Variants in HERC4 observed in about 807,000 individuals in gnomAD.
HERC4 encodes probable E3 ubiquitin-protein ligase HERC4.
HERC4 carries 28 observed loss-of-function variants against 124.3 expected under a neutral mutation model. That is an observed-to-expected ratio of 0.23 (90% CI 0.17 to 0.31). The LOEUF is 0.31. Ranked by LOEUF, HERC4 falls within the 10% of genes least tolerant of loss-of-function variation. The probability of loss-of-function intolerance (pLI) is 1.00; values close to 1 mark genes in which losing one functional copy is unlikely to be tolerated. For synonymous variants in HERC4, 407 were observed against 421.5 expected (o/e 0.97, Z 0.42); for missense variants, 713 against 1,229.3 (o/e 0.58, Z 6.28).
At position 67,997,396 on chromosome 10, in the gene HERC4, G is replaced by T. The variant is rs145609152; in HGVS notation, c.1070-4714C>A. 2.6e-3 allele frequency among the ~76,000 whole-genome samples: 393 copies of T among 152,230 alleles called. 2 individuals are homozygous for T. The highest frequency in any genetic ancestry group is 9.0e-3 in the African/African-American group (375 of 41,538). On this transcript the variant is annotated intron_variant, in intron 9 of 24. Transcript: ENST00000373700. ...GCTCCTGACTTACAAAAGAGCTAAAGTTCTTTTCAATCATATCATCATCTG... is the reference window on the plus strand; with the variant it reads ...GCTCCTGACTTACAAAAGAGCTAAATTTCTTTTCAATCATATCATCATCTG...
intron 9 of HERC4, among the ~76,000 whole-genome samples, chr10:67,999,726 A>T (rs2037113629): frequency 6.6e-6 from 1 of 152,192 alleles, no homozygotes; most frequent in Non-Finnish European, 1.5e-5. Context: ...ATGTTTGAGT[A>T]ATGTTTAATT....
chr10:67,977,692 C>T (rs2035678649), intron 15 of HERC4, among the ~76,000 whole-genome samples: 1 of 152,128 alleles, frequency 6.6e-6, no homozygotes, highest in South Asian at 2.1e-4. Flanking sequence ...GACTAAAGAG[C>T]CCTTAAGGAC....
At chr10:67,951,786 T>G (rs1407766048) in intron 19 of HERC4, among the ~76,000 whole-genome samples, 2 of 152,194 alleles carry the variant, frequency 1.3e-5, no homozygotes, top group East Asian at 3.8e-4. Flanking sequence ...CCATATTCCC[T>G]GCAACTGTTC....
intron 24 of HERC4, among the ~76,000 whole-genome samples, chr10:67,923,526 T>A (rs188700929): frequency 2.6e-5 from 4 of 152,314 alleles, no homozygotes; most frequent in South Asian, 4.1e-4. Flanking sequence ...TTATTTTTTT[T>A]AAATCAGAAA....
At position 67,932,709 on chromosome 10, in the gene HERC4, T is replaced by A; in HGVS notation, c.2726A>T (p.His909Leu). 2.5e-6 allele frequency: 4 copies of A among 1,601,014 alleles called. No homozygotes were observed. The highest frequency in any genetic ancestry group is 3.4e-6 in the Non-Finnish European group (4 of 1,177,224). ...TCCACAGACCTTATGAAAGCCCGCA[T>A]GAAAAGCATCAAATAAGGAAGCCAC... ...KSVASLFDAF[H>L]AGFHKVCGGK... Residue 909 changes from histidine to leucine, a missense_variant, in exon 23 of 25, where the codon CAT becomes CTT. His to Leu is a moderately conservative substitution (Grantham distance 99, BLOSUM62 -3). Coordinates refer to ENST00000373700, the MANE Select transcript of HERC4 (RefSeq NM_015601.4).
intron 9 of HERC4, among the ~76,000 whole-genome samples, chr10:67,996,928 T>C (rs1414400382): frequency 6.6e-6 from 1 of 151,684 alleles, no homozygotes; most frequent in Non-Finnish European, 1.5e-5. Flanking sequence ...GCAGAGCTTG[T>C]AGTGAGCTGA....
At chr10:67,988,451 T>C (rs1285279981) in intron 15 of HERC4, among the ~76,000 whole-genome samples, 1 of 152,092 alleles carries the variant, frequency 6.6e-6, no homozygotes, top group Non-Finnish European at 1.5e-5. Context: ...ATAAGTTATC[T>C]ATACATGCCT....
chr10:67,968,539 A>AT (rs888352019), intron 15 of HERC4, among the ~76,000 whole-genome samples: 4 of 150,162 alleles, frequency 2.7e-5, no homozygotes, highest in South Asian at 4.2e-4. Context: ...CCTCTGGCTA[A>AT]TTTTTTTTTG....
chr10:67,973,913 G>A (rs2035405153), intron 15 of HERC4, among the ~76,000 whole-genome samples: 1 of 151,760 alleles, frequency 6.6e-6, no homozygotes, highest in African/African-American at 2.4e-5. Flanking sequence ...TGGGTGCGGT[G>A]GCACGTGCCT....
intron 3 of HERC4, among the ~76,000 whole-genome samples, chr10:68,059,823 C>CATAATATATATTATA (rs1378325242): frequency 4.2e-5 from 2 of 47,094 alleles, no homozygotes; most frequent in African/African-American, 2.3e-4. Context: ...TATTATATAT[C>CATAATATATATTATA]ATAATATTAT....
At position 68,014,215 on chromosome 10, in the gene HERC4, C is replaced by G. The variant is rs377113107; in HGVS notation, c.909-29G>C. 6.0e-6 allele frequency: 9 copies of G among 1,507,920 alleles called. No individual in the cohort carries two copies. The South Asian group carries it at 1.2e-4, about 20-fold the overall frequency. 93.4% of individuals were successfully genotyped at this position (1,507,920 alleles called of 1,614,324 possible). On this transcript the variant is annotated intron_variant, in intron 8 of 24. Coordinates refer to ENST00000373700, the MANE Select transcript of HERC4 (RefSeq NM_015601.4). The stretch of plus-strand genomic sequence containing the variant: ...GAGTAAAATGATAGAAAACTTCAGA[C>G]TTAATGTTACCTTCCAACAATTTAC...
At chr10:68,012,789 T>C (rs951398391) in intron 9 of HERC4, among the ~76,000 whole-genome samples, 1 of 152,162 alleles carries the variant, frequency 6.6e-6, no homozygotes, top group African/African-American at 2.4e-5. Flanking sequence ...TCAAAAAACC[T>C]TCAATTTGTA....
At chr10:68,073,917 C>T (rs1227788789) in intron 1 of HERC4, 1 of 151,976 alleles carries the variant, frequency 6.6e-6, no homozygotes, top group Non-Finnish European at 1.5e-5. Flanking sequence ...AAAAAACATG[C>T]AATTTAAATA....
In HERC4 at chr10:67,972,529, GAAAAAAAAAA is replaced by G. The variant is rs58031306; in HGVS notation, c.1807-5737_1807-5728del. On this transcript the variant is annotated intron_variant, in intron 15 of 24. Transcript: ENST00000373700. ...AGTCAAACTCTGTCTCAAAAAAGAGGAAAAAAAAAAAAAAAAAAAAAAAAAAGAATTTCTC... is the reference window on the plus strand; with the variant it reads ...AGTCAAACTCTGTCTCAAAAAAGAGGAAAAAAAAAAAAAAAAGAATTTCTC... 1.4e-3 allele frequency among the ~76,000 whole-genome samples: 79 copies of G among 58,404 alleles called. 1 individual carries two copies. The South Asian group carries it at 0.029, about 21-fold the overall frequency. The allele number at this position is 58,404 out of a possible 152,430, so 38.3% of individuals were successfully genotyped here. A position where few individuals can be genotyped will look rare whatever the true frequency, so the allele number is the denominator to read the frequency against.
chr10:68,039,487 A>C, intron 4 of HERC4: 4 of 1,550,872 alleles, frequency 2.6e-6, no homozygotes, highest in Non-Finnish European at 3.5e-6. Flanking sequence ...TTCGGGAAGC[A>C]GCTTCAGCAA....
intron 7 of HERC4, among the ~76,000 whole-genome samples, chr10:68,028,007 T>TAA (rs1446191118): frequency 1.2e-4 from 18 of 147,290 alleles, no homozygotes; most frequent in South Asian, 2.1e-4. Flanking sequence ...TATATATATA[T>TAA]AATAAAAATA....
intron 19 of HERC4, among the ~76,000 whole-genome samples, chr10:67,946,348 AACACACACACACACACACACACAC>A (rs58692888): frequency 1.6e-5 from 2 of 128,472 alleles, no homozygotes; most frequent in African/African-American, 2.9e-5. Flanking sequence ...ATAAAACACA[AACACACACACACACACACACACAC>A]ACACACACAC....
At chr10:68,054,900 A>G (rs2040477407) in intron 3 of HERC4, among the ~76,000 whole-genome samples, 1 of 152,046 alleles carries the variant, frequency 6.6e-6, no homozygotes, top group African/African-American at 2.4e-5. Flanking sequence ...GTTTACTAAT[A>G]CTTTTATATT....
chr10:67,992,519 T>C, intron 10 of HERC4, 87 bp downstream of exon 10: 1 of 1,060,636 alleles, frequency 9.4e-7, no homozygotes. Flanking sequence ...AATTACTTTG[T>C]AACATATAAA....
Sources: gnomAD v4.1 joint callset for allele counts (sites outside exome capture counted in the v4.1 genomes callset) on GRCh38, gnomAD v4.1.1 for gene constraint, MANE v1.5 for transcripts, NCBI Gene and HGNC (gene_info 2026-07-23, HGNC 2026-07-21) for gene names.